Variants in MAPK10 observed in about 807,000 individuals in gnomAD.
MAPK10 encodes mitogen-activated protein kinase 10.
Under a neutral mutation model 59.3 loss-of-function variants are expected in MAPK10, and 25 were observed. The observed-to-expected ratio is 0.42, with a 90% CI of 0.31 to 0.59. MAPK10 has a LOEUF of 0.59. Among genes scored for constraint, MAPK10 ranks in the 20% least tolerant of loss-of-function variants. MAPK10 has a pLI of 0.15. For missense variants in MAPK10, 351 were observed against 568.9 expected, an observed-to-expected ratio of 0.62 and a Z score of 3.90; for synonymous variants, 190 against 200.5, an observed-to-expected ratio of 0.95 and a Z score of 0.44.
chr4:86,463,385 G>T (rs1250788459), intron 1 of MAPK10, among the ~76,000 whole-genome samples: 1 of 152,208 alleles, frequency 6.6e-6, no homozygotes, highest in African/African-American at 2.4e-5. Flanking sequence ...ATATTAAACA[G>T]TTCAACAATT....
intron 1 of MAPK10, among the ~76,000 whole-genome samples, chr4:86,522,841 C>A (rs1271439911): frequency 6.6e-6 from 1 of 152,222 alleles, no homozygotes; most frequent in Admixed American, 6.5e-5. Flanking sequence ...TCCCTCTTCA[C>A]ATGGAAAAGC....
chr4:86,288,909 T>C (rs1163837056), intron 2 of MAPK10, among the ~76,000 whole-genome samples: 12 of 146,546 alleles, frequency 8.2e-5, no homozygotes, highest in South Asian at 2.1e-4. Context: ...AGGATGAATA[T>C]AGCAGTGAAA....
chr4:86,450,517 G>C (rs762445983), intron 1 of MAPK10, among the ~76,000 whole-genome samples: 1 of 152,142 alleles, frequency 6.6e-6, no homozygotes, highest in Non-Finnish European at 1.5e-5. Flanking sequence ...GGGAAAAACA[G>C]AGATTTATTT....
At chr4:86,376,803 TAAAG>T (rs1222421356) in intron 1 of MAPK10, among the ~76,000 whole-genome samples, 1 of 152,172 alleles carries the variant, frequency 6.6e-6, no homozygotes, top group African/African-American at 2.4e-5. Flanking sequence ...CTTTTGAAAC[TAAAG>T]AAAACAATTC....
intron 2 of MAPK10, among the ~76,000 whole-genome samples, chr4:86,207,513 T>C (rs11944190): frequency 0.017 from 2,597 of 152,224 alleles, 95 homozygotes; most frequent in African/African-American, 0.058. Flanking sequence ...TGGCTTAGGA[T>C]TGACTTGGCG....
chr4:86,491,970 G>T (rs1022244514), intron 1 of MAPK10, among the ~76,000 whole-genome samples: 1 of 151,840 alleles, frequency 6.6e-6, no homozygotes, highest in Non-Finnish European at 1.5e-5. Context: ...ACAACAAAAA[G>T]AAAAAAATGA....
Position 86,518,888 on chromosome 4 carries a change from A to G in MAPK10, c.-263+75022T>C, listed in dbSNP as rs368855652. Among the ~76,000 whole-genome samples the G allele has an allele frequency of 2.8e-4, 42 of 152,244 alleles. No individual in the cohort carries two copies. The East Asian group carries it at 6.8e-3, about 24-fold the overall frequency. ...ATTGTTGACCCAAACATCATTCAGG[A>G]GCAGATTATTTCATTTCCATGTATT... On this transcript the variant is annotated intron_variant, in intron 1 of 4. Transcript: ENST00000502302.
intron 4 of MAPK10, among the ~76,000 whole-genome samples, chr4:86,135,785 G>GA (rs1191116698): frequency 6.6e-6 from 1 of 152,142 alleles, no homozygotes; most frequent in South Asian, 2.1e-4. Flanking sequence ...TGAAAACTTT[G>GA]AAAAAAATTT....
chr4:86,038,327 A>G (rs2040773869), intron 11 of MAPK10, among the ~76,000 whole-genome samples: 1 of 152,184 alleles, frequency 6.6e-6, no homozygotes, highest in African/African-American at 2.4e-5. Flanking sequence ...TATTAATTCA[A>G]CATCTGGATC....
intron 1 of MAPK10, among the ~76,000 whole-genome samples, chr4:86,551,833 G>A (rs1238678833): frequency 6.6e-6 from 1 of 152,150 alleles, no homozygotes; most frequent in South Asian, 2.1e-4. Flanking sequence ...TCGAATACCT[G>A]ACCTCAAGTG....
At chr4:86,483,407 A>C (rs1753750505) in intron 1 of MAPK10, among the ~76,000 whole-genome samples, 2 of 152,180 alleles carry the variant, frequency 1.3e-5, no homozygotes, top group South Asian at 4.1e-4. Context: ...AGCAGAATGC[A>C]GAATCACTTT....
At chr4:86,342,917 C>A (rs1318861191) in intron 2 of MAPK10, among the ~76,000 whole-genome samples, 2 of 152,064 alleles carry the variant, frequency 1.3e-5, no homozygotes, top group Non-Finnish European at 2.9e-5. Context: ...TTTCTTAAAC[C>A]AGTTTAGAAA....
rs1413261454 is a variant in MAPK10, at chr4:86,492,675, CA to C, written c.-263+101234del. On this transcript the variant is annotated intron_variant, in intron 1 of 4. Coordinates refer to the MAPK10 transcript ENST00000502302. Reference sequence around the variant, plus strand: ...ATTTAACAAAGTTCTGGGAGCATAGCAGGTGCTCAATAACGGTATATGTTCT... The same window carrying C: ...ATTTAACAAAGTTCTGGGAGCATAGCGGTGCTCAATAACGGTATATGTTCT... 2.6e-5 allele frequency among the ~76,000 whole-genome samples: 4 copies of C among 152,280 alleles called. No homozygotes were observed. The South Asian group carries it at 6.2e-4, about 24-fold the overall frequency.
chr4:86,318,777 A>G (rs113034469), intron 2 of MAPK10, among the ~76,000 whole-genome samples: 1 of 152,198 alleles, frequency 6.6e-6, no homozygotes, highest in Non-Finnish European at 1.5e-5. Context: ...ACATAAATTA[A>G]TAATTTATAT....
chr4:86,420,539 G>A (rs2149032907), intron 1 of MAPK10, among the ~76,000 whole-genome samples: 1 of 152,154 alleles, frequency 6.6e-6, no homozygotes, highest in East Asian at 1.9e-4. Flanking sequence ...TGTAATCCCA[G>A]CATTTTGGGA....
intron 1 of MAPK10, among the ~76,000 whole-genome samples, chr4:86,399,147 T>A (rs1743357267): frequency 2.0e-5 from 3 of 152,226 alleles, no homozygotes; most frequent in Non-Finnish European, 4.4e-5. Flanking sequence ...GGTTAAATAG[T>A]AGTTCTGTTT....
At chr4:86,388,144 T>C (rs1741743962) in intron 1 of MAPK10, among the ~76,000 whole-genome samples, 1 of 151,824 alleles carries the variant, frequency 6.6e-6, no homozygotes, top group South Asian at 2.1e-4. Context: ...CAATCTGTGA[T>C]GTAAGTTGTA....
chr4:86,420,016 G>A (rs988542155), intron 1 of MAPK10, among the ~76,000 whole-genome samples: 2 of 152,184 alleles, frequency 1.3e-5, no homozygotes, highest in Non-Finnish European at 2.9e-5. Context: ...CAGTGAATAT[G>A]TGCCAAGTGC....
intron 1 of MAPK10, among the ~76,000 whole-genome samples, chr4:86,471,267 C>T (rs935518432): frequency 7.4e-6 from 1 of 134,288 alleles, no homozygotes; most frequent in African/African-American, 2.9e-5. Flanking sequence ...AGACTCTGTG[C>T]CCCCCTGCAA....
Sources: allele counts gnomAD v4.1 joint callset (sites outside exome capture counted in the v4.1 genomes callset), GRCh38; gene constraint gnomAD v4.1.1; transcripts MANE v1.5; gene names NCBI Gene and HGNC (gene_info 2026-07-23, HGNC 2026-07-21).